Variants in THSD7A observed in about 807,000 individuals in gnomAD.
THSD7A encodes thrombospondin type 1 domain containing 7A, also known as thrombospondin type-1 domain-containing protein 7A.
A neutral mutation model predicts 231.3 loss-of-function variants in THSD7A; 96 were observed. That is an observed-to-expected ratio of 0.41 (90% CI 0.35 to 0.49). The LOEUF is 0.49. THSD7A is among the 20% of genes least tolerant of loss of function. The pLI is 0.05. For missense variants in THSD7A, 2,290 were observed against 2,070.2 expected, an observed-to-expected ratio of 1.11 and a Z score of -2.06; for synonymous variants, 940 against 743.3, an observed-to-expected ratio of 1.26 and a Z score of -4.30.
Position 11,541,560 on chromosome 7 carries a change from G to C in THSD7A, c.1681C>G (p.His561Asp). The C allele has an allele frequency of 6.2e-7, 1 of 1,613,946 alleles. No individual in the cohort carries two copies. The highest frequency in any genetic ancestry group is 8.5e-7 in the Non-Finnish European group (1 of 1,179,884). Residue 561 changes from histidine (H) to aspartate (D), a missense_variant, in exon 6 of 28, where the codon CAC (histidine) becomes GAC (aspartate). Coordinates refer to ENST00000423059, the MANE Select transcript of THSD7A (RefSeq NM_015204.3). ...GGSGVTGNCP[H>D]LLEAIPCEEP... is the part of the protein sequence containing the mutation. ...TCACAGGGAATGGCTTCCAGTAAGT[G>C]AGGGCAGTTTCCGGTTACCCCAGAG...
intron 1 of THSD7A, among the ~76,000 whole-genome samples, chr7:11,767,922 A>T (rs1207504943): frequency 6.6e-6 from 1 of 152,184 alleles, no homozygotes; most frequent in African/African-American, 2.4e-5. Flanking sequence ...TGACTTTAAG[A>T]CATCATAGAC....
At chr7:11,660,939 G>C (rs1408376062) in intron 1 of THSD7A, among the ~76,000 whole-genome samples, 1 of 151,432 alleles carries the variant, frequency 6.6e-6, no homozygotes, top group East Asian at 1.9e-4. Context: ...GAAGAGCCAA[G>C]ATCTCGGACA....
chr7:11,375,650 T>G lies in THSD7A; in HGVS notation c.*144A>C, dbSNP rs1051006677. ...GTCTTAAATATCTCCAGTGGCAGTA[T>G]GATTTTCACTCTTGTCTTTATGATG... On this transcript the variant is annotated 3_prime_UTR_variant, in exon 28 of 28. Coordinates refer to ENST00000423059, the MANE Select transcript of THSD7A (RefSeq NM_015204.3). 3 of 646,102 alleles carry G rather than the reference T, an allele frequency of 4.6e-6. No individual in the cohort carries two copies. The highest frequency in any genetic ancestry group is 8.0e-6 in the Non-Finnish European group (3 of 374,450). The allele number at this position is 646,102 out of a possible 1,614,324, so 40.0% of individuals were successfully genotyped here. A position where few individuals can be genotyped will look rare whatever the true frequency, so the allele number is the denominator to read the frequency against.
rs369287399 is a variant in THSD7A at position 11,417,546 on chromosome 7, G to A, written c.3441C>T (p.Asp1147=). 13 of 1,613,666 alleles carry A rather than the reference G, an allele frequency of 8.1e-6. No individual in the cohort carries two copies. The African/African-American group carries it at 1.5e-4, about 18-fold the overall frequency. Residue 1147 remains aspartate (D), a synonymous_variant, in exon 17 of 28, where the codon GAC becomes GAT. Transcript: ENST00000423059. The stretch of plus-strand genomic sequence containing the variant: ...TAGAGCCCAGGGGCATCTCTTCTGG[G>A]TCACAGAGGTAATCCTCTACATGTT... ...PSEHVEDYLC[D]PEEMPLGSRV...
intron 6 of THSD7A, among the ~76,000 whole-genome samples, chr7:11,500,850 G>T (rs867038430): frequency 2.3e-4 from 35 of 151,528 alleles, no homozygotes; most frequent in African/African-American, 8.0e-4. Context: ...GCAGAGAATT[G>T]CTTGAATCTG....
intron 1 of THSD7A, among the ~76,000 whole-genome samples, chr7:11,649,007 T>C (rs1782392401): frequency 6.6e-6 from 1 of 152,014 alleles, no homozygotes; most frequent in African/African-American, 2.4e-5. Flanking sequence ...TCATGCCTTT[T>C]TATAGTGCTC....
chr7:11,687,820 G>C (rs1780104735), intron 1 of THSD7A, among the ~76,000 whole-genome samples: 1 of 151,796 alleles, frequency 6.6e-6, no homozygotes, highest in Non-Finnish European at 1.5e-5. Context: ...AGCTCAGCGG[G>C]AGAGCTTCTC....
chr7:11,772,175 C>G (rs1261832660), intron 1 of THSD7A, among the ~76,000 whole-genome samples: 1 of 151,466 alleles, frequency 6.6e-6, no homozygotes, highest in Non-Finnish European at 1.5e-5. Context: ...CTATCTCACA[C>G]CAGTCAGAAT....
chr7:11,785,660 A>G (rs954054174), intron 1 of THSD7A, among the ~76,000 whole-genome samples: 1 of 151,996 alleles, frequency 6.6e-6, no homozygotes, highest in African/African-American at 2.4e-5. Flanking sequence ...TTTCCTCCAT[A>G]TTCAAGAAAT....
intron 1 of THSD7A, among the ~76,000 whole-genome samples, chr7:11,656,958 C>T (rs1251693923): frequency 1.3e-5 from 2 of 151,774 alleles, no homozygotes; most frequent in East Asian, 3.9e-4. Context: ...TTGTTCACAG[C>T]AAATTCTGAA....
chr7:11,687,265 G>A (rs577350759), intron 1 of THSD7A, among the ~76,000 whole-genome samples: 2 of 151,932 alleles, frequency 1.3e-5, no homozygotes, highest in Admixed American at 1.3e-4. Flanking sequence ...TAAATAAAAT[G>A]TATTTCGCTA....
chr7:11,738,154 A>G (rs116777895), intron 1 of THSD7A, among the ~76,000 whole-genome samples: 1,686 of 152,158 alleles, frequency 0.011, 28 homozygotes, highest in African/African-American at 0.038. Flanking sequence ...TCCCTTATAC[A>G]AAATGCTTGG....
chr7:11,406,612 T>C lies in THSD7A; in HGVS notation c.4063-138A>G. ...ATTTGAAACCCTAGGGAAGAAGCCCTATAGGGCACTAGCAATAAAGCATAC... is the reference window on the plus strand; with the variant it reads ...ATTTGAAACCCTAGGGAAGAAGCCCCATAGGGCACTAGCAATAAAGCATAC... On this transcript the variant is annotated intron_variant, in intron 21 of 27. Coordinates refer to ENST00000423059, the MANE Select transcript of THSD7A (RefSeq NM_015204.3). The surrounding 1 kb of genome is among the most constrained non-coding windows in gnomAD (Gnocchi z 4.7). The C allele has an allele frequency of 1.1e-6, 1 of 940,214 alleles. No homozygotes were observed. The highest frequency in any genetic ancestry group is 1.5e-6 in the Non-Finnish European group (1 of 646,354). 58.2% of individuals were successfully genotyped at this position (940,214 alleles called of 1,614,324 possible).
At chr7:11,693,167 A>G (rs965892654) in intron 1 of THSD7A, among the ~76,000 whole-genome samples, 1 of 151,604 alleles carries the variant, frequency 6.6e-6, no homozygotes. Flanking sequence ...TAGGAAAAAA[A>G]TAGTAGAATT....
At chr7:11,589,363 C>T (rs745365669) in intron 4 of THSD7A, among the ~76,000 whole-genome samples, 2 of 152,150 alleles carry the variant, frequency 1.3e-5, no homozygotes, top group Non-Finnish European at 2.9e-5. Flanking sequence ...CATTCATACA[C>T]ATTGTTCCCT....
At chr7:11,809,634 G>T (rs1784479027) in intron 1 of THSD7A, among the ~76,000 whole-genome samples, 9 of 152,196 alleles carry the variant, frequency 5.9e-5, no homozygotes, top group African/African-American at 1.4e-4. Context: ...ATTTCAGTAA[G>T]CATTATTGTA....
intron 4 of THSD7A, among the ~76,000 whole-genome samples, chr7:11,545,582 C>G (rs1206688694): frequency 1.3e-5 from 2 of 152,142 alleles, no homozygotes; most frequent in Non-Finnish European, 2.9e-5. Context: ...AAGCTGGGAA[C>G]TCTGCACTGG....
intron 22 of THSD7A, among the ~76,000 whole-genome samples, chr7:11,402,984 C>T (rs979660512): frequency 6.6e-6 from 1 of 152,074 alleles, no homozygotes; most frequent in Non-Finnish European, 1.5e-5. Context: ...AGTGCAATTG[C>T]TGGGCCATAG....
chr7:11,440,008 G>A (rs1375020953), intron 13 of THSD7A, among the ~76,000 whole-genome samples: 1 of 151,928 alleles, frequency 6.6e-6, no homozygotes, highest in Non-Finnish European at 1.5e-5. Context: ...AAAATTTCAA[G>A]GGACAGATTG....
Sources: allele counts gnomAD v4.1 joint callset (sites outside exome capture counted in the v4.1 genomes callset), GRCh38; gene constraint gnomAD v4.1.1; non-coding constraint Gnocchi (gnomAD v3.1); transcripts MANE v1.5; gene names NCBI Gene and HGNC (gene_info 2026-07-23, HGNC 2026-07-21).